EGFR: variants seen among roughly 807,000 people sequenced by gnomAD.
EGFR encodes the protein avian erythroblastic leukemia viral (v-erb-b) oncogene homolog.
EGFR carries 58 observed loss-of-function variants against 143.0 expected under a neutral mutation model. That is an observed-to-expected ratio of 0.41 (90% CI 0.33 to 0.50). The LOEUF is 0.50. Ranked by LOEUF, EGFR falls within the 20% of genes least tolerant of loss-of-function variation. The probability of loss-of-function intolerance (pLI) is 0.39; values close to 1 mark genes in which losing one functional copy is unlikely to be tolerated. For missense variants in EGFR, 1,307 were observed against 1,579.0 expected, an observed-to-expected ratio of 0.83 and a Z score of 2.92; for synonymous variants, 613 against 594.4, an observed-to-expected ratio of 1.03 and a Z score of -0.45.
At chr7:55,086,390 CAT>C (rs1244019844) in intron 1 of EGFR, among the ~76,000 whole-genome samples, 2 of 152,224 alleles carry the variant, frequency 1.3e-5, no homozygotes, top group African/African-American at 4.8e-5. Context: ...CCTGGAAAGA[CAT>C]ATCACTTGAG....
At chr7:55,200,955 A>C (rs898885332) in intron 24 of EGFR, among the ~76,000 whole-genome samples, 1 of 152,170 alleles carries the variant, frequency 6.6e-6, no homozygotes, top group African/African-American at 2.4e-5. Flanking sequence ...AAGCTATTTG[A>C]ATCTCATGTA....
intron 1 of EGFR, among the ~76,000 whole-genome samples, chr7:55,043,170 C>T (rs142281545): frequency 9.3e-4 from 141 of 152,202 alleles, no homozygotes; most frequent in Middle Eastern, 3.4e-3. Flanking sequence ...ATATGGCCTA[C>T]GAGCTGAGTT....
rs2128933632 is a variant in EGFR at position 55,152,543 on chromosome 7, C to T, written c.629-3C>T. Reference sequence around the variant, plus strand: ...CTCACAGGGAACCTTTGCTCTTTTTCAGTGACCAAAATCATCTGTGCCCAG... The same window carrying T: ...CTCACAGGGAACCTTTGCTCTTTTTTAGTGACCAAAATCATCTGTGCCCAG... On this transcript the variant is annotated splice_polypyrimidine_tract_variant and splice_region_variant and intron_variant, in intron 5 of 27. Coordinates refer to ENST00000275493, the MANE Select transcript of EGFR (RefSeq NM_005228.5). 1 of 1,613,728 alleles carries T rather than the reference C, an allele frequency of 6.2e-7. No individual in the cohort carries two copies.
intron 4 of EGFR, among the ~76,000 whole-genome samples, 175 bp downstream of exon 4, chr7:55,146,915 G>GT (rs1421480508): frequency 2.6e-5 from 4 of 152,198 alleles, no homozygotes; most frequent in East Asian, 1.9e-4. Flanking sequence ...CATAGAGATC[G>GT]TTTTTTTGTG....
chr7:55,161,139 C>T (rs1291907511), intron 12 of EGFR, among the ~76,000 whole-genome samples: 2 of 152,182 alleles, frequency 1.3e-5, no homozygotes, highest in Non-Finnish European at 2.9e-5. Flanking sequence ...GGGCAGTGGC[C>T]GTGGGAGCAC....
intron 1 of EGFR, among the ~76,000 whole-genome samples, chr7:55,079,310 GGCC>G (rs1440975663): frequency 6.6e-6 from 1 of 152,232 alleles, no homozygotes; most frequent in African/African-American, 2.4e-5. Flanking sequence ...CAGAGTAGGT[GGCC>G]TGTGCAGCGG....
At chr7:55,057,836 G>A (rs564150802) in intron 1 of EGFR, among the ~76,000 whole-genome samples, 1 of 152,308 alleles carries the variant, frequency 6.6e-6, no homozygotes, top group African/African-American at 2.4e-5. Context: ...CCTGAAGATA[G>A]CCTCTGTTTT....
At chr7:55,046,227 G>T (rs77170680) in intron 1 of EGFR, among the ~76,000 whole-genome samples, 3,011 of 152,212 alleles carry the variant, frequency 0.02, 101 homozygotes, top group African/African-American at 0.069. Context: ...TCTACTTCCA[G>T]CCCTTGGCTC....
At chr7:55,098,422 A>G (rs1203128679) in intron 1 of EGFR, among the ~76,000 whole-genome samples, 1 of 152,148 alleles carries the variant, frequency 6.6e-6, no homozygotes, top group Non-Finnish European at 1.5e-5. Flanking sequence ...ATAGAATGAA[A>G]TACTCTTCAG....
chr7:55,046,987 A>G (rs540646796), intron 1 of EGFR, among the ~76,000 whole-genome samples: 4 of 152,334 alleles, frequency 2.6e-5, no homozygotes, highest in South Asian at 4.1e-4. Flanking sequence ...TAACATAAAA[A>G]TCACAAAATG....
At chr7:55,191,445 C>T (rs1450037988) in intron 20 of EGFR, among the ~76,000 whole-genome samples, 4 of 152,066 alleles carry the variant, frequency 2.6e-5, no homozygotes, top group Non-Finnish European at 5.9e-5. Context: ...CTCAACTGGG[C>T]AGCAGAGCTC....
intron 26 of EGFR, 125 bp downstream of exon 26, chr7:55,201,907 T>G: frequency 2.5e-6 from 3 of 1,209,544 alleles, no homozygotes; most frequent in Non-Finnish European, 3.6e-6. Context: ...CTGTGTGGGT[T>G]TTTCCCTGCA....
Position 55,143,290 on chromosome 7 carries a change from G to A in EGFR, c.241-15G>A, listed in dbSNP as rs1317910581. 3 of 1,614,012 alleles carry A rather than the reference G, an allele frequency of 1.9e-6. No individual in the cohort carries two copies. Among genetic ancestry groups the A allele is most frequent in the Middle Eastern group, 1.7e-4 (1 of 6,030 alleles). ...CTCAAAAGAGAAATCACGCATTTAT[G>A]TTTTCTCTTCTTAGACCATCCAGGA... On this transcript the variant is annotated splice_polypyrimidine_tract_variant and intron_variant, in intron 2 of 27. Transcript: ENST00000275493.
rs2128951446 is a variant in EGFR at position 55,171,227 on chromosome 7, G to T, written c.1919+14G>T. The T allele has an allele frequency of 1.2e-6, 2 of 1,614,210 alleles. No homozygotes were observed. Among genetic ancestry groups the T allele is most frequent in the Non-Finnish European group, 1.7e-6 (2 of 1,180,026 alleles). On this transcript the variant is annotated intron_variant, in intron 16 of 27. Coordinates refer to ENST00000275493, the MANE Select transcript of EGFR (RefSeq NM_005228.5). Reference sequence around the variant, plus strand: ...TCCAACGAATGGGTAAGTGTTCACAGCTCTGTGTCACATGGACCTCGTCAA... The same window carrying T: ...TCCAACGAATGGGTAAGTGTTCACATCTCTGTGTCACATGGACCTCGTCAA...
At chr7:55,090,310 A>G (rs946272670) in intron 1 of EGFR, among the ~76,000 whole-genome samples, 1 of 152,096 alleles carries the variant, frequency 6.6e-6, no homozygotes, top group African/African-American at 2.4e-5. Context: ...AAGAACTTCA[A>G]ATGATCTCCA....
At chr7:55,201,841 C>T in intron 26 of EGFR, 59 bp downstream of exon 26, 1 of 1,571,002 alleles carries the variant, frequency 6.4e-7, no homozygotes, top group Non-Finnish European at 8.8e-7. Context: ...CTCTATTTTA[C>T]ATGGAAAATG....
chr7:55,026,882 GA>G lies in EGFR; in HGVS notation c.88+7527del, dbSNP rs933525673. 1.5e-4 allele frequency among the ~76,000 whole-genome samples: 22 copies of G among 148,124 alleles called. 1 individual carries two copies. The highest frequency in any genetic ancestry group is 7.9e-4 in the East Asian group (4 of 5,054). ...TCTTTAACTGCCAAAAAAAAAAAGGGAAAAAAAAAAGCTTTCTGCAGTGGCT... is the reference window on the plus strand; with the variant it reads ...TCTTTAACTGCCAAAAAAAAAAAGGGAAAAAAAAAGCTTTCTGCAGTGGCT... On this transcript the variant is annotated intron_variant, in intron 1 of 27. Coordinates refer to ENST00000275493, the MANE Select transcript of EGFR (RefSeq NM_005228.5).
intron 20 of EGFR, among the ~76,000 whole-genome samples, chr7:55,190,302 A>ATG (rs1199429114): frequency 6.6e-6 from 1 of 152,118 alleles, no homozygotes; most frequent in Non-Finnish European, 1.5e-5. Context: ...GGGACAGTCC[A>ATG]TGTAGTCATG....
chr7:55,113,156 AG>A (rs754709738), intron 1 of EGFR, among the ~76,000 whole-genome samples: 8 of 152,082 alleles, frequency 5.3e-5, no homozygotes, highest in Admixed American at 2.0e-4. Context: ...CCTTGGAAAG[AG>A]GTTTTGTTCC....
Sources: gnomAD v4.1 joint callset for allele counts (sites outside exome capture counted in the v4.1 genomes callset) on GRCh38, gnomAD v4.1.1 for gene constraint, MANE v1.5 for transcripts, NCBI Gene and HGNC (gene_info 2026-07-23, HGNC 2026-07-21) for gene names.